INTS6: variants seen among roughly 807,000 people sequenced by gnomAD.
INTS6 encodes integrator complex subunit 6, also known as DEAD box protein.
A neutral mutation model predicts 104.9 loss-of-function variants in INTS6; 16 were observed. The observed-to-expected ratio is 0.15, with a 90% CI of 0.10 to 0.23. INTS6 has a LOEUF of 0.23. Ranked by LOEUF, INTS6 falls within the 10% of genes least tolerant of loss-of-function variation. The probability of loss-of-function intolerance (pLI) is 1.00; values close to 1 mark genes in which losing one functional copy is unlikely to be tolerated. For synonymous variants in INTS6, 324 were observed against 358.7 expected (o/e 0.90, Z 1.09); for missense variants, 584 against 1,062.8 (o/e 0.55, Z 6.26).
At chr13:51,422,577 A>C (rs754411483) in intron 4 of INTS6, among the ~76,000 whole-genome samples, 1 of 152,218 alleles carries the variant, frequency 6.6e-6, no homozygotes, top group East Asian at 1.9e-4. Flanking sequence ...GGCATTCCCC[A>C]TATCTTCTAG....
chr13:51,356,368 A>G (rs1360358958), intron 3 of INTS6, among the ~76,000 whole-genome samples: 2 of 152,110 alleles, frequency 1.3e-5, no homozygotes, highest in Admixed American at 6.6e-5. Context: ...AGGGCAAGGA[A>G]AGAGCAAGGG....
rs1338907313 is a variant in INTS6 at position 51,363,111 on chromosome 13, T to C, written c.*2641A>G. The C allele has an allele frequency of 5.3e-5, 8 of 151,916 alleles. No individual in the cohort carries two copies. The highest frequency in any genetic ancestry group is 9.7e-5 in the African/African-American group (4 of 41,388). 9.4% of individuals were successfully genotyped at this position (151,916 alleles called of 1,614,324 possible). A position where few individuals can be genotyped will look rare whatever the true frequency, so the allele number is the denominator to read the frequency against. ...GGACTACATTTGAACAGAAAGGTCATTGCCAAAAGCCAATAGCCAATAAAG... is the reference window on the plus strand; with the variant it reads ...GGACTACATTTGAACAGAAAGGTCACTGCCAAAAGCCAATAGCCAATAAAG... On this transcript the variant is annotated 3_prime_UTR_variant, in exon 18 of 18. Transcript: ENST00000311234.
In INTS6 at chr13:51,452,761, C is replaced by T. The variant is rs1953092852; in HGVS notation, c.-236G>A. On this transcript the variant is annotated 5_prime_UTR_variant, in exon 1 of 18. Transcript: ENST00000311234. This position sits in a 1 kb window ranked among gnomAD's most constrained non-coding sequence, Gnocchi z 4.2. ...CCCCGCCTCCGCCTCCTCCTGCCTG[C>T]CTGCCCGCTGGGGCGGGCGCCCAGC... The T allele has an allele frequency of 8.1e-7, 1 of 1,230,474 alleles. No homozygotes were observed. The highest frequency in any genetic ancestry group is 1.6e-5 in the African/African-American group (1 of 61,846). The allele number at this position is 1,230,474 out of a possible 1,614,324, so 76.2% of individuals were successfully genotyped here. A position where few individuals can be genotyped will look rare whatever the true frequency, so the allele number is the denominator to read the frequency against.
the INTS6 span, chr13:51,348,652 A>ACTCTGCCTTC: frequency 2.0e-6 from 1 of 497,670 alleles, no homozygotes; most frequent in Non-Finnish European, 3.6e-6. Context: ...TCTTTCCAAG[A>ACTCTGCCTTC]CAAGATATTC....
chr13:51,381,524 C>CTCATGA (rs1044955212), intron 10 of INTS6, among the ~76,000 whole-genome samples: 1 of 152,122 alleles, frequency 6.6e-6, no homozygotes, highest in Non-Finnish European at 1.5e-5. Flanking sequence ...CATAAATGTT[C>CTCATGA]TCATGATCAT....
the INTS6 span, among the ~76,000 whole-genome samples, chr13:51,337,178 AG>A: frequency 6.6e-6 from 1 of 152,226 alleles, no homozygotes; most frequent in Non-Finnish European, 1.5e-5. Context: ...CCTCAAGGTC[AG>A]GGCTACAAAT....
rs529675466 is a variant in INTS6, at chr13:51,426,727, C to T, written c.429+3567G>A. Among the ~76,000 whole-genome samples, 6 of 152,104 alleles carry T rather than the reference C, an allele frequency of 3.9e-5. 1 individual carries two copies. In the South Asian group the frequency reaches 1.2e-3, roughly 32 times the overall value. On this transcript the variant is annotated intron_variant, in intron 4 of 17. Transcript: ENST00000311234. ...CTGGTCATAATAGTTTTTCATGGAA[C>T]ACTGAATAAGAACAGAATACCTAAA...
At chr13:51,424,353 GTCTT>G (rs1258577989) in intron 4 of INTS6, among the ~76,000 whole-genome samples, 1 of 151,776 alleles carries the variant, frequency 6.6e-6, no homozygotes, top group African/African-American at 2.4e-5. Context: ...GTACTGAAGA[GTCTT>G]TCTTACTACA....
rs190347027 is a variant in INTS6 at position 51,379,348 on chromosome 13, A to G, written c.1386+114T>C. On this transcript the variant is annotated intron_variant, in intron 11 of 17. Coordinates refer to ENST00000311234, the MANE Select transcript of INTS6 (RefSeq NM_012141.3). ...AATATATGGCTCTAAAATGTAATATATTAATATAATGGAATTCCATTAGAA... is the reference window on the plus strand; with the variant it reads ...AATATATGGCTCTAAAATGTAATATGTTAATATAATGGAATTCCATTAGAA... The G allele has an allele frequency of 4.2e-4, 200 of 472,028 alleles. 2 individuals carry two copies. In the East Asian group the frequency reaches 6.3e-3, roughly 15 times the overall value. 29.2% of individuals were successfully genotyped at this position (472,028 alleles called of 1,614,324 possible).
intron 15 of INTS6, 75 bp from the exon 16 acceptor site, chr13:51,369,385 C>T (rs1221583166): frequency 9.2e-6 from 13 of 1,405,630 alleles, no homozygotes; most frequent in South Asian, 1.4e-5. Context: ...TACAAAAGAA[C>T]ATTACTACAG....
chr13:51,368,058 T>C (rs1446268505), intron 16 of INTS6, among the ~76,000 whole-genome samples, 160 bp from the exon 17 acceptor site: 2 of 152,128 alleles, frequency 1.3e-5, no homozygotes, highest in East Asian at 3.8e-4. Flanking sequence ...TTAACATATA[T>C]GTAAAAGTAA....
intron 3 of INTS6, chr13:51,448,052 C>T (rs1213879537): frequency 6.6e-6 from 1 of 152,106 alleles, no homozygotes; most frequent in Non-Finnish European, 1.5e-5. Context: ...GAGAGAAACT[C>T]TGTCTCAAAA....
chr13:51,423,008 T>C (rs1956922944), intron 4 of INTS6: 8 of 1,197,038 alleles, frequency 6.7e-6, no homozygotes, highest in African/African-American at 1.6e-5. Flanking sequence ...TCTTAATGTA[T>C]TACAAATGTT....
At chr13:51,384,828 T>G (rs1956111030) in intron 7 of INTS6, 8 of 379,436 alleles carry the variant, frequency 2.1e-5, no homozygotes, top group Non-Finnish European at 3.6e-5. Flanking sequence ...AAATGTTATC[T>G]TCTATTTCTT....
chr13:51,343,562 C>T, the INTS6 span, among the ~76,000 whole-genome samples: 1 of 152,208 alleles, frequency 6.6e-6, no homozygotes, highest in Non-Finnish European at 1.5e-5. Context: ...CTATCGACTC[C>T]CTCAAATGCT....
At chr13:51,397,019 G>A (rs890147263) in intron 4 of INTS6, among the ~76,000 whole-genome samples, 3 of 152,068 alleles carry the variant, frequency 2.0e-5, no homozygotes, top group African/African-American at 7.2e-5. Context: ...ACTCAGTTTA[G>A]GGCTTTTTTC....
At chr13:51,386,790 C>T (rs1291562600) in intron 7 of INTS6, among the ~76,000 whole-genome samples, 1 of 152,020 alleles carries the variant, frequency 6.6e-6, no homozygotes, top group African/African-American at 2.4e-5. Context: ...AAAGAGTACA[C>T]TAACACGACT....
At chr13:51,449,096 C>T (rs1283498164) in intron 3 of INTS6, 3 of 152,094 alleles carry the variant, frequency 2.0e-5, no homozygotes, top group Admixed American at 6.5e-5. Context: ...CAATTCAATA[C>T]TCTTTACTCA....
At chr13:51,342,178 CAAAAAAAAAAAAA>C in the INTS6 span, among the ~76,000 whole-genome samples, 1 of 63,582 alleles carries the variant, frequency 1.6e-5, no homozygotes. Flanking sequence ...AAAGACAGAA[CAAAAAAAAAAAAA>C]AAAAAAAAAG....
Sources: gnomAD v4.1 joint callset for allele counts (sites outside exome capture counted in the v4.1 genomes callset) on GRCh38, gnomAD v4.1.1 for gene constraint, Gnocchi (gnomAD v3.1) non-coding constraint, MANE v1.5 for transcripts, NCBI Gene and HGNC (gene_info 2026-07-23, HGNC 2026-07-21) for gene names.